The following ABCC12 variants were observed in gnomAD, a reference collection of about 807,000 sequenced individuals.
The protein encoded by ABCC12 is ATP-binding cassette sub-family C member 12.
In ABCC12, 142 loss-of-function variants were observed where a neutral mutation model predicts 151.1. The ratio of observed to expected loss-of-function variants is 0.94; its 90% CI spans 0.82 to 1.08. The LOEUF is 1.08. ABCC12 is among the 50% of genes least tolerant of loss of function. The pLI, the probability that ABCC12 is intolerant of heterozygous loss-of-function variation, is 0.00. For missense variants in ABCC12, 1,638 were observed against 1,691.1 expected (o/e 0.97, Z 0.55); for synonymous variants, 645 against 646.4 (o/e 1.00, Z 0.03).
intron 15 of ABCC12, 106 bp from the exon 16 acceptor site, chr16:48,112,016 T>C: frequency 7.1e-7 from 1 of 1,409,446 alleles, no homozygotes; most frequent in Middle Eastern, 2.5e-4. Flanking sequence ...GGCCAGATCA[T>C]TCTTTGTTTG....
In ABCC12 at chr16:48,140,921, CT is replaced by C; in HGVS notation, c.424-2del. ...GGAGGATTTGGTGAATGAGAACTGT[CT>C]GTAAAACAGCATGGTGGGGAGAAGA... On this transcript the variant is annotated splice_acceptor_variant, in intron 5 of 30. Coordinates refer to ENST00000311303, the MANE Select transcript of ABCC12 (RefSeq NM_001393797.1). LOFTEE classifies it high-confidence loss of function. 6.2e-7 allele frequency: 1 copy of C among 1,612,772 alleles called. No homozygotes were observed. The highest frequency in any genetic ancestry group is 2.2e-5 in the East Asian group (1 of 44,868).
Position 48,126,446 on chromosome 16 carries a change from T to A in ABCC12, c.1515+2013A>T, listed in dbSNP as rs572613833. 6.6e-5 allele frequency among the ~76,000 whole-genome samples: 10 copies of A among 152,294 alleles called. No homozygotes were observed. In the East Asian group the frequency reaches 1.9e-3, roughly 29 times the overall value. On this transcript the variant is annotated intron_variant, in intron 11 of 30. Transcript: ENST00000311303. ...AACCCTGACCCCATGGAGGATCCAG[T>A]CTGATGGAATTGAGGAGCTAAACTT...
In ABCC12 at chr16:48,082,646, C is replaced by G. The variant is rs1174500418; in HGVS notation, c.*1069G>C. On this transcript the variant is annotated 3_prime_UTR_variant, in exon 31 of 31. Coordinates refer to ENST00000311303, the MANE Select transcript of ABCC12 (RefSeq NM_001393797.1). ...GGGGTGGGGGGTTGTGGTCTGGAAG[C>G]TTTGCTGACCACACTGCCCTGAGCT... is the stretch of plus-strand genomic sequence containing the variant. Among the ~76,000 whole-genome samples the G allele has an allele frequency of 1.3e-5, 2 of 152,134 alleles. No homozygotes were observed. The highest frequency in any genetic ancestry group is 2.9e-5 in the Non-Finnish European group (2 of 68,026).
intron 19 of ABCC12, among the ~76,000 whole-genome samples, chr16:48,108,195 T>G (rs1963563742): frequency 6.6e-6 from 1 of 152,202 alleles, no homozygotes; most frequent in Non-Finnish European, 1.5e-5. Flanking sequence ...GGGTTCATGC[T>G]GCTGCTCACT....
rs1255542959 is a variant in ABCC12, at chr16:48,111,782, C to G, written c.2118G>C (p.Gln706His). 1 of 1,614,156 alleles carries G rather than the reference C, an allele frequency of 6.2e-7. No individual in the cohort carries two copies. The highest frequency in any genetic ancestry group is 1.1e-5 in the South Asian group (1 of 91,078). Residue 706 changes from glutamine to histidine, a missense_variant, in exon 16 of 31, where the codon CAG (glutamine) becomes CAC (histidine). By Grantham distance (24) the Gln-to-His change is conservative (BLOSUM62 0). Coordinates refer to ENST00000311303, the MANE Select transcript of ABCC12 (RefSeq NM_001393797.1). ...AKLIHNLRGLQFKDPEHLYNA... is the reference protein window; with the variant it reads ...AKLIHNLRGLHFKDPEHLYNA... ...CTGCCCAGGTGTGAGTTACCTTGAA[C>G]TGCAATCCTCGCAGGTTGTGAATCA...
intron 7 of ABCC12, among the ~76,000 whole-genome samples, 189 bp from the exon 8 acceptor site, chr16:48,138,564 G>T (rs1223091444): frequency 6.6e-6 from 1 of 152,198 alleles, no homozygotes; most frequent in African/African-American, 2.4e-5. Flanking sequence ...GGGTCAGGCA[G>T]GTCATGTAAA....
intron 15 of ABCC12, among the ~76,000 whole-genome samples, chr16:48,112,442 A>G (rs1020314367): frequency 6.6e-6 from 1 of 152,098 alleles, no homozygotes; most frequent in African/African-American, 2.4e-5. Flanking sequence ...CTAAAAATAC[A>G]AAAAGTAGCT....
At chr16:48,152,759 C>T (rs1344216424) in intron 2 of ABCC12, among the ~76,000 whole-genome samples, 5 of 152,186 alleles carry the variant, frequency 3.3e-5, no homozygotes, top group Non-Finnish European at 5.9e-5. Context: ...GCATACCCTG[C>T]GTCTAGTCTT....
chr16:48,091,227 G>A lies in ABCC12; in HGVS notation c.3196-18C>T. On this transcript the variant is annotated intron_variant, in intron 24 of 30. Coordinates refer to ENST00000311303, the MANE Select transcript of ABCC12 (RefSeq NM_001393797.1). ...CCGCTCAGCTGTTGAAAAGGAGCGA[G>A]CAGCCGCAGTTAGAGCCCCTTCCTC... 1.9e-6 allele frequency: 3 copies of A among 1,612,820 alleles called. No individual in the cohort carries two copies. The highest frequency in any genetic ancestry group is 2.5e-6 in the Non-Finnish European group (3 of 1,178,940).
At position 48,087,909 on chromosome 16, in the gene ABCC12, T is replaced by C. The variant is rs753405440; in HGVS notation, c.3635+17A>G. 3.1e-6 allele frequency: 5 copies of C among 1,601,962 alleles called. No homozygotes were observed. The highest frequency in any genetic ancestry group is 3.4e-6 in the Non-Finnish European group (4 of 1,171,654). On this transcript the variant is annotated intron_variant, in intron 27 of 30. Transcript: ENST00000311303. Reference sequence around the variant, plus strand: ...ACTCTCCAAAAATAGAAATGCACAATGATTAAAAACAGCTACCTTACTGTA... The same window carrying C: ...ACTCTCCAAAAATAGAAATGCACAACGATTAAAAACAGCTACCTTACTGTA...
chr16:48,154,034 G>A (rs1304214516), intron 1 of ABCC12, 150 bp from the exon 2 acceptor site: 1 of 152,512 alleles, frequency 6.6e-6, no homozygotes, highest in East Asian at 1.9e-4. Context: ...TGGGGTCTGA[G>A]GGGTACACAG....
At chr16:48,130,704 G>T in intron 10 of ABCC12, 84 bp downstream of exon 10, 1 of 1,092,990 alleles carries the variant, frequency 9.1e-7, no homozygotes, top group South Asian at 1.3e-5. Context: ...CTCTCCAGCA[G>T]CTTGGTACAG....
chr16:48,133,828 T>G lies in ABCC12; in HGVS notation c.987A>C (p.Arg329Ser). 1 of 1,614,104 alleles carries G rather than the reference T, an allele frequency of 6.2e-7. No individual in the cohort carries two copies. The change falls in exon 9 of 31, where the codon AGA (arginine) becomes AGC (serine). Residue 329 changes from arginine (R) to serine (S), a missense_variant. By Grantham distance (110) the Arg-to-Ser change is moderately radical. Transcript: ENST00000311303. The stretch of plus-strand genomic sequence containing the variant: ...TTTCCAGTAATTTTCTTTCCCTCCT[T>G]CTTATATCTGCAAAATAGAACACAG... ...KSFTNTIQDI[R>S]RRERKLLEKA...
At chr16:48,142,191 G>A (rs1394800488) in intron 4 of ABCC12, among the ~76,000 whole-genome samples, 1 of 152,180 alleles carries the variant, frequency 6.6e-6, no homozygotes, top group Non-Finnish European at 1.5e-5. Context: ...GCTAAGTCTG[G>A]GGCCCTGGGT....
At chr16:48,148,907 C>T (rs1213920664) in intron 2 of ABCC12, among the ~76,000 whole-genome samples, 1 of 151,900 alleles carries the variant, frequency 6.6e-6, no homozygotes, top group Non-Finnish European at 1.5e-5. Flanking sequence ...AAACTGTGGG[C>T]TTCTTGTTTG....
At chr16:48,086,938 G>A (rs1962638164) in intron 27 of ABCC12, 119 bp from the exon 28 acceptor site, 2 of 835,996 alleles carry the variant, frequency 2.4e-6, no homozygotes, top group South Asian at 2.8e-5. Context: ...ATGACCTCGT[G>A]CTCCAAGAAT....
chr16:48,144,514 C>A (rs1022428226), intron 3 of ABCC12, among the ~76,000 whole-genome samples: 2 of 151,998 alleles, frequency 1.3e-5, no homozygotes, highest in African/African-American at 4.8e-5. Context: ...ATTAATACCC[C>A]CAGGGGCAAA....
In ABCC12 at chr16:48,082,971, G is replaced by A. The variant is rs1962406542; in HGVS notation, c.*744C>T. The A allele has an allele frequency of 1.3e-5, 2 of 152,312 alleles. No homozygotes were observed. Among genetic ancestry groups the A allele is most frequent in the South Asian group, 4.1e-4 (2 of 4,828 alleles). 9.4% of individuals were successfully genotyped at this position (152,312 alleles called of 1,614,324 possible). A position where few individuals can be genotyped will look rare whatever the true frequency, so the allele number is the denominator to read the frequency against. ...GAAGGTTCATTACTGAGTGAAGGGA[G>A]AAGGCAACAAGGGTCTATTGGAGGA... On this transcript the variant is annotated 3_prime_UTR_variant, in exon 31 of 31. Coordinates refer to ENST00000311303, the MANE Select transcript of ABCC12 (RefSeq NM_001393797.1).
intron 1 of ABCC12, among the ~76,000 whole-genome samples, chr16:48,154,097 A>T (rs1820975925): frequency 6.6e-6 from 1 of 152,192 alleles, no homozygotes; most frequent in Non-Finnish European, 1.5e-5. Flanking sequence ...CCCTGCAGCC[A>T]TCATGGCTCT....
Sources: gnomAD v4.1 joint callset for allele counts (sites outside exome capture counted in the v4.1 genomes callset) on GRCh38, gnomAD v4.1.1 for gene constraint, MANE v1.5 for transcripts, NCBI Gene and HGNC (gene_info 2026-07-23, HGNC 2026-07-21) for gene names.